TRIQK: variants seen among roughly 807,000 people sequenced by gnomAD.
TRIQK encodes the protein triple QxxK/R motif containing.
TRIQK carries 10 observed loss-of-function variants against 10.8 expected under a neutral mutation model. The observed-to-expected ratio is 0.92, with a 90% CI of 0.57 to 1.57. The LOEUF is 1.57. Ranked by LOEUF, TRIQK falls within the 40% of genes most tolerant of loss-of-function variation. The probability of loss-of-function intolerance (pLI) is 0.00; values close to 1 mark genes in which losing one functional copy is unlikely to be tolerated. For synonymous variants in TRIQK, 33 were observed against 33.7 expected (o/e 0.98, Z 0.07); for missense variants, 107 against 97.7 (o/e 1.09, Z -0.40).
intron 1 of TRIQK, among the ~76,000 whole-genome samples, chr8:93,014,782 T>A (rs746539114): frequency 1.3e-5 from 2 of 152,042 alleles, no homozygotes; most frequent in Non-Finnish European, 2.9e-5. Context: ...CACTGCTAAC[T>A]TCACTTTAGG....
intron 1 of TRIQK, among the ~76,000 whole-genome samples, chr8:93,010,885 A>C (rs971222573): frequency 1.3e-5 from 2 of 152,190 alleles, no homozygotes; most frequent in African/African-American, 4.8e-5. Flanking sequence ...TGCTATTTGC[A>C]GTCAAATGCT....
intron 4 of TRIQK, 174 bp from the exon 5 acceptor site, chr8:92,886,909 G>A (rs1816514244): frequency 2.3e-6 from 1 of 435,162 alleles, no homozygotes; most frequent in Non-Finnish European, 4.1e-6. Flanking sequence ...GTTTTGTACT[G>A]GCAAGTCCCA....
chr8:92,982,586 C>T (rs575412174), intron 1 of TRIQK, among the ~76,000 whole-genome samples: 139 of 152,058 alleles, frequency 9.1e-4, no homozygotes, highest in African/African-American at 3.1e-3. Context: ...TGTCCTGGAA[C>T]ATTGGCCAGA....
intron 1 of TRIQK, among the ~76,000 whole-genome samples, chr8:93,005,950 T>C (rs1813265983): frequency 1.3e-5 from 2 of 151,890 alleles, no homozygotes; most frequent in Middle Eastern, 3.2e-3. Flanking sequence ...ATAAATGAAT[T>C]TAGTAAATTT....
intron 1 of TRIQK, among the ~76,000 whole-genome samples, chr8:93,009,120 A>G (rs897377368): frequency 6.6e-6 from 1 of 152,184 alleles, no homozygotes; most frequent in Admixed American, 6.5e-5. Flanking sequence ...AATATGAGGA[A>G]CTCCACTCAA....
chr8:92,920,726 C>T (rs976545321), intron 2 of TRIQK, among the ~76,000 whole-genome samples: 3 of 151,818 alleles, frequency 2.0e-5, no homozygotes, highest in African/African-American at 2.4e-5. Flanking sequence ...TGTTTATTGG[C>T]ACATGCAACT....
chr8:92,968,454 C>T (rs368808096), upstream of TRIQK, among the ~76,000 whole-genome samples: 1 of 152,320 alleles, frequency 6.6e-6, no homozygotes, highest in South Asian at 2.1e-4. Context: ...CACATCCTCT[C>T]CAGCATCTGT....
intron 3 of TRIQK, among the ~76,000 whole-genome samples, chr8:92,896,432 G>T (rs865852956): frequency 3.3e-5 from 5 of 152,166 alleles, no homozygotes; most frequent in Non-Finnish European, 5.9e-5. Context: ...AGAGAGCCCT[G>T]ACTAGGGCAA....
rs555964049 is a variant in TRIQK, at chr8:92,962,097, T to TA, written c.-181+3909dup. 2.2e-3 allele frequency among the ~76,000 whole-genome samples: 331 copies of TA among 152,130 alleles called. 1 individual carries two copies. Among genetic ancestry groups the TA allele is most frequent in the Middle Eastern group, 3.4e-3 (1 of 294 alleles). ...AAAGATGCTGAACATTTCTACCATA[T>TA]AAAAAAGGTATAAATATATATAATG... is the stretch of plus-strand genomic sequence containing the variant. On this transcript the variant is annotated intron_variant, in intron 1 of 4. Coordinates refer to ENST00000521988, the MANE Select transcript of TRIQK (RefSeq NM_001171797.2).
At chr8:92,887,309 G>A (rs1237386061) in intron 4 of TRIQK, among the ~76,000 whole-genome samples, 1 of 151,300 alleles carries the variant, frequency 6.6e-6, no homozygotes, top group Non-Finnish European at 1.5e-5. Flanking sequence ...TTACACTGCA[G>A]AGGAACAAAA....
intron 3 of TRIQK, among the ~76,000 whole-genome samples, 186 bp from the exon 4 acceptor site, chr8:92,892,260 AG>A (rs1381938625): frequency 2.0e-5 from 3 of 151,936 alleles, no homozygotes; most frequent in African/African-American, 7.2e-5. Flanking sequence ...TTACTTTTTC[AG>A]GAAGAGGATA....
At chr8:93,004,975 G>A (rs1050283077) in intron 1 of TRIQK, among the ~76,000 whole-genome samples, 3 of 152,136 alleles carry the variant, frequency 2.0e-5, no homozygotes, top group Non-Finnish European at 4.4e-5. Context: ...TCATCTTCCT[G>A]TCTTATTCTG....
chr8:93,001,188 T>A (rs2130756807), intron 1 of TRIQK, among the ~76,000 whole-genome samples: 1 of 151,654 alleles, frequency 6.6e-6, no homozygotes, highest in Middle Eastern at 3.4e-3. Flanking sequence ...GTAGCTGTAG[T>A]CCCAGCTACT....
intron 1 of TRIQK, among the ~76,000 whole-genome samples, chr8:93,006,690 T>C (rs1481140954): frequency 2.6e-5 from 4 of 152,142 alleles, no homozygotes; most frequent in Non-Finnish European, 2.9e-5. Flanking sequence ...CCGGATGGAT[T>C]GGACCCAGGA....
At chr8:92,971,443 A>G (rs975023291) in intron 1 of TRIQK, among the ~76,000 whole-genome samples, 13 of 152,184 alleles carry the variant, frequency 8.5e-5, no homozygotes, top group African/African-American at 3.1e-4. Flanking sequence ...CAACATCAGA[A>G]AAGTCTCAGG....
intron 2 of TRIQK, among the ~76,000 whole-genome samples, chr8:92,930,560 A>C (rs571441264): frequency 1.3e-5 from 2 of 152,258 alleles, no homozygotes; most frequent in East Asian, 3.9e-4. Flanking sequence ...TAAGGGAGGC[A>C]GCTTGTACCA....
chr8:92,970,009 G>A (rs1289330554), upstream of TRIQK, among the ~76,000 whole-genome samples: 1 of 152,002 alleles, frequency 6.6e-6, no homozygotes, highest in Non-Finnish European at 1.5e-5. Context: ...TGTTCTCATT[G>A]TTCAGCTCCC....
chr8:92,965,487 A>C (rs1234830432), intron 1 of TRIQK: 1 of 152,312 alleles, frequency 6.6e-6, no homozygotes, highest in East Asian at 1.9e-4. Flanking sequence ...AAGCAGGAAA[A>C]AGAGTGAAGA....
chr8:92,983,984 C>T (rs1019586778), intron 1 of TRIQK, among the ~76,000 whole-genome samples: 38 of 152,198 alleles, frequency 2.5e-4, no homozygotes, highest in African/African-American at 7.5e-4. Flanking sequence ...GGTCAAGTCA[C>T]TCCGACCTCT....
Sources: allele counts gnomAD v4.1 joint callset (sites outside exome capture counted in the v4.1 genomes callset), GRCh38; gene constraint gnomAD v4.1.1; transcripts MANE v1.5; gene names NCBI Gene and HGNC (gene_info 2026-07-23, HGNC 2026-07-21).